ELOVL5: variants seen among roughly 807,000 people sequenced by gnomAD.
The protein encoded by ELOVL5 is ELOVL fatty acid elongase 5, also known as very long chain fatty acid elongase 5.
In ELOVL5, 8 loss-of-function variants were observed where a neutral mutation model predicts 38.6. The ratio of observed to expected loss-of-function variants is 0.21; its 90% CI spans 0.12 to 0.37. The LOEUF (loss-of-function observed/expected upper bound fraction) is 0.37, where lower values mean the gene tolerates loss of function less well. ELOVL5 is among the 10% of genes least tolerant of loss of function. The pLI, the probability that ELOVL5 is intolerant of heterozygous loss-of-function variation, is 1.00. For missense variants in ELOVL5, 280 were observed against 367.8 expected (o/e 0.76, Z 1.95); for synonymous variants, 127 against 133.7 (o/e 0.95, Z 0.34).
chr6:53,315,391 A>G (rs114587477), intron 1 of ELOVL5, among the ~76,000 whole-genome samples: 1,930 of 152,338 alleles, frequency 0.013, 40 homozygotes, highest in African/African-American at 0.044. Context: ...GGGGGGACAC[A>G]AACCTTCGGT....
chr6:53,339,649 G>A (rs1769238157), intron 1 of ELOVL5, among the ~76,000 whole-genome samples: 2 of 152,200 alleles, frequency 1.3e-5, no homozygotes, highest in African/African-American at 4.8e-5. Flanking sequence ...AACATTTGTG[G>A]TGATGTTGGT....
At chr6:53,287,305 C>G (rs969636034) in intron 3 of ELOVL5, among the ~76,000 whole-genome samples, 1 of 152,198 alleles carries the variant, frequency 6.6e-6, no homozygotes, top group Non-Finnish European at 1.5e-5. Flanking sequence ...TCTTTGACTA[C>G]TAAATAACTT....
At chr6:53,327,581 A>G (rs1384929790) in intron 1 of ELOVL5, among the ~76,000 whole-genome samples, 1 of 152,166 alleles carries the variant, frequency 6.6e-6, no homozygotes, top group Non-Finnish European at 1.5e-5. Flanking sequence ...TCCTTTGGGG[A>G]TGTGAAAATG....
At chr6:53,311,208 G>A (rs1484941069) in intron 1 of ELOVL5, among the ~76,000 whole-genome samples, 1 of 152,126 alleles carries the variant, frequency 6.6e-6, no homozygotes, top group Non-Finnish European at 1.5e-5. Flanking sequence ...CATAAACAGC[G>A]CTCCTGTGGC....
At chr6:53,337,814 G>T (rs927392161) in intron 1 of ELOVL5, among the ~76,000 whole-genome samples, 1 of 152,196 alleles carries the variant, frequency 6.6e-6, no homozygotes, top group Non-Finnish European at 1.5e-5. Flanking sequence ...GCTATGGAAG[G>T]CTGGGGCAAT....
At chr6:53,300,343 C>T (rs1181106937) in intron 1 of ELOVL5, among the ~76,000 whole-genome samples, 7 of 152,168 alleles carry the variant, frequency 4.6e-5, no homozygotes. Flanking sequence ...CACCGAGTGC[C>T]TACCACATGC....
At chr6:53,324,312 T>C (rs1768425261) in intron 1 of ELOVL5, among the ~76,000 whole-genome samples, 1 of 150,244 alleles carries the variant, frequency 6.7e-6, no homozygotes, top group Non-Finnish European at 1.5e-5. Context: ...CAGATCTCTA[T>C]CTATGGATAT....
intron 3 of ELOVL5, among the ~76,000 whole-genome samples, chr6:53,286,705 TTATAATTAATGAATTACATC>T: frequency 6.6e-6 from 1 of 152,306 alleles, no homozygotes; most frequent in Non-Finnish European, 1.5e-5. Flanking sequence ...ATTAACATAA[TTATAATTAATGAATTACATC>T]TATACGACTC....
intron 1 of ELOVL5, among the ~76,000 whole-genome samples, chr6:53,312,007 T>G (rs938603688): frequency 6.6e-6 from 1 of 152,204 alleles, no homozygotes; most frequent in African/African-American, 2.4e-5. Flanking sequence ...AGATGTGCAC[T>G]AAGATTGACT....
chr6:53,288,304 C>T (rs1024916386), intron 3 of ELOVL5, among the ~76,000 whole-genome samples: 4 of 152,054 alleles, frequency 2.6e-5, no homozygotes, highest in Admixed American at 6.5e-5. Context: ...GGCTAAAAGG[C>T]GCACAAGATT....
At chr6:53,275,993 G>A (rs1001325935) in intron 4 of ELOVL5, among the ~76,000 whole-genome samples, 186 bp downstream of exon 4, 3 of 152,058 alleles carry the variant, frequency 2.0e-5, no homozygotes, top group African/African-American at 7.2e-5. Flanking sequence ...GATGCTTTAG[G>A]TTTTATTTTA....
intron 6 of ELOVL5, among the ~76,000 whole-genome samples, chr6:53,272,051 G>A (rs1765948624): frequency 6.6e-6 from 1 of 152,162 alleles, no homozygotes; most frequent in Non-Finnish European, 1.5e-5. Flanking sequence ...CCATATAGCA[G>A]CTGGCAGAGA....
intron 1 of ELOVL5, among the ~76,000 whole-genome samples, chr6:53,308,898 C>T (rs1282377197): frequency 6.8e-4 from 48 of 70,670 alleles, no homozygotes; most frequent in African/African-American, 2.3e-3. Flanking sequence ...GGGCGGGGGG[C>T]GGGGAGGCAA....
Position 53,268,768 on chromosome 6 carries a change from T to C in ELOVL5, c.*359A>G. ...GTACAAATTTACATTTACAATCACATGCATGATCTACAGTTAAAAAAAAAA... is the reference window on the plus strand; with the variant it reads ...GTACAAATTTACATTTACAATCACACGCATGATCTACAGTTAAAAAAAAAA... On this transcript the variant is annotated 3_prime_UTR_variant, in exon 8 of 8. Transcript: ENST00000304434. 1 of 164,780 alleles carries C rather than the reference T, an allele frequency of 6.1e-6. No homozygotes were observed. Among genetic ancestry groups the C allele is most frequent in the Non-Finnish European group, 1.3e-5 (1 of 76,452 alleles). The allele number at this position is 164,780 out of a possible 1,614,324, so 10.2% of individuals were successfully genotyped here. A position where few individuals can be genotyped will look rare whatever the true frequency, so the allele number is the denominator to read the frequency against.
At chr6:53,282,688 G>A (rs1431989006) in intron 3 of ELOVL5, among the ~76,000 whole-genome samples, 2 of 152,212 alleles carry the variant, frequency 1.3e-5, no homozygotes, top group African/African-American at 4.8e-5. Flanking sequence ...TTCACCAGAT[G>A]TTTCAACTGC....
At chr6:53,330,274 A>C (rs1229456753) in intron 1 of ELOVL5, among the ~76,000 whole-genome samples, 1 of 152,188 alleles carries the variant, frequency 6.6e-6, no homozygotes, top group Non-Finnish European at 1.5e-5. Context: ...TAAAAATAGA[A>C]TATAAAAAAT....
intron 1 of ELOVL5, among the ~76,000 whole-genome samples, chr6:53,305,858 G>T (rs1312934462): frequency 2.0e-5 from 3 of 152,092 alleles, no homozygotes; most frequent in Non-Finnish European, 4.4e-5. Flanking sequence ...CAGGCGGCTG[G>T]GAGGTGGAGG....
intron 1 of ELOVL5, among the ~76,000 whole-genome samples, chr6:53,313,609 G>A (rs1190400576): frequency 2.0e-5 from 3 of 152,066 alleles, no homozygotes; most frequent in African/African-American, 7.2e-5. Context: ...CAATCCTCTC[G>A]CCTCAGCCTC....
intron 1 of ELOVL5, among the ~76,000 whole-genome samples, chr6:53,348,266 G>A (rs1378986002): frequency 6.6e-6 from 1 of 152,202 alleles, no homozygotes; most frequent in African/African-American, 2.4e-5. Flanking sequence ...GAAGCGGAGA[G>A]AACAGGACAA....
Sources: allele counts gnomAD v4.1 joint callset (sites outside exome capture counted in the v4.1 genomes callset), GRCh38; gene constraint gnomAD v4.1.1; transcripts MANE v1.5; gene names NCBI Gene and HGNC (gene_info 2026-07-23, HGNC 2026-07-21).